Variants in SH3BP2 observed in about 807,000 individuals in gnomAD.
SH3BP2 encodes the protein SH3 domain-binding protein 2.
In SH3BP2, 38 loss-of-function variants were observed where a neutral mutation model predicts 56.2. That is an observed-to-expected ratio of 0.68 (90% CI 0.52 to 0.89). The LOEUF is 0.89. SH3BP2 is among the 40% of genes least tolerant of loss of function. The pLI is 0.00. For synonymous variants in SH3BP2, 346 were observed against 316.7 expected, an observed-to-expected ratio of 1.09 and a Z score of -0.98; for missense variants, 748 against 762.6, an observed-to-expected ratio of 0.98 and a Z score of 0.23.
chr4:2,798,303 C>T (rs2108695761), intron 1 of SH3BP2, among the ~76,000 whole-genome samples: 1 of 152,360 alleles, frequency 6.6e-6, no homozygotes, highest in South Asian at 2.1e-4. Context: ...TTAGCCTGGC[C>T]TACCTGTGCC....
intron 8 of SH3BP2, among the ~76,000 whole-genome samples, chr4:2,830,805 G>A (rs1364870793): frequency 1.3e-5 from 2 of 152,256 alleles, no homozygotes; most frequent in South Asian, 2.1e-4. Flanking sequence ...AAAGGGTCCA[G>A]GAACTGGAGG....
At chr4:2,795,462 C>T (rs1723028547) in intron 1 of SH3BP2, among the ~76,000 whole-genome samples, 2 of 152,242 alleles carry the variant, frequency 1.3e-5, no homozygotes, top group South Asian at 2.1e-4. Flanking sequence ...GGATTACAGG[C>T]GTGAGCCCCC....
intron 1 of SH3BP2, among the ~76,000 whole-genome samples, chr4:2,802,422 GTGTGTGTGTGTGTGTGTGTGTA>G (rs1723323952): frequency 6.7e-6 from 1 of 150,352 alleles, no homozygotes; most frequent in African/African-American, 2.5e-5. Context: ...GTGTGTGTGT[GTGTGTGTGTGTGTGTGTGTGTA>G]TGTATATATG....
At chr4:2,794,833 A>AC (rs904864814) in intron 1 of SH3BP2, among the ~76,000 whole-genome samples, 8 of 152,004 alleles carry the variant, frequency 5.3e-5, no homozygotes, top group Non-Finnish European at 1.2e-4. Flanking sequence ...GGAGCTCCCC[A>AC]CCCCCCAGGG....
chr4:2,800,781 C>T (rs1238276666), intron 1 of SH3BP2, among the ~76,000 whole-genome samples: 1 of 152,164 alleles, frequency 6.6e-6, no homozygotes, highest in African/African-American at 2.4e-5. Context: ...GCAGTAAGGG[C>T]ATTGGGGGTG....
chr4:2,823,767 A>G (rs1473429462), intron 3 of SH3BP2, among the ~76,000 whole-genome samples: 3 of 152,252 alleles, frequency 2.0e-5, no homozygotes, highest in Non-Finnish European at 4.4e-5. Context: ...CCTATGAGGA[A>G]CCAAGGGTCA....
intron 1 of SH3BP2, among the ~76,000 whole-genome samples, chr4:2,809,426 A>T (rs188258363): frequency 1.3e-5 from 2 of 148,502 alleles, no homozygotes; most frequent in Non-Finnish European, 3.0e-5. Context: ...TCTCCCCTGG[A>T]CTCAGTGCCC....
At chr4:2,809,780 C>A in intron 1 of SH3BP2, 1 of 985,770 alleles carries the variant, frequency 1.0e-6, no homozygotes, top group Non-Finnish European at 1.2e-6. Context: ...CTTTTTCAGG[C>A]TGACCCTTGG....
intron 1 of SH3BP2, among the ~76,000 whole-genome samples, chr4:2,793,394 G>A (rs1197131178): frequency 2.2e-4 from 33 of 150,258 alleles, no homozygotes; most frequent in Admixed American, 2.2e-3. Flanking sequence ...GTATGGGCGG[G>A]TGTCGGGGGT....
At chr4:2,826,892 CCT>C (rs772313240) in intron 5 of SH3BP2, 2 of 522,818 alleles carry the variant, frequency 3.8e-6, no homozygotes, top group Non-Finnish European at 7.4e-6. Context: ...TGCGCGTGTC[CCT>C]GTGTCTTTGT....
intron 1 of SH3BP2, chr4:2,798,896 G>A (rs1723148518): frequency 2.4e-6 from 2 of 839,074 alleles, no homozygotes; most frequent in African/African-American, 1.8e-5. Context: ...GCAGGGCAGG[G>A]ACAGGAAGTG....
Position 2,830,058 on chromosome 4 carries a change from G to C in SH3BP2, c.1152G>C (p.Arg384=). The change falls in exon 8 of 13, where the codon CGG becomes CGC. Residue 384 remains arginine (R), a synonymous_variant. Transcript: ENST00000503393. ...PGLFVPPVAP[R]PPALKLPVPE... is the part of the protein sequence containing the mutation. ...TCTTTGTGCCCCCCGTGGCTCCCCG[G>C]CCTCCTGCGCTGAAGCTGCCAGTGC... The C allele has an allele frequency of 6.2e-7, 1 of 1,611,634 alleles. No homozygotes were observed. Among genetic ancestry groups the C allele is most frequent in the East Asian group, 2.2e-5 (1 of 44,876 alleles).
intron 1 of SH3BP2, among the ~76,000 whole-genome samples, chr4:2,798,019 C>T (rs577918323): frequency 2.6e-5 from 4 of 152,190 alleles, no homozygotes; most frequent in Non-Finnish European, 5.9e-5. Context: ...GTGCTTTGGT[C>T]TCCCACGAAA....
rs1292296945 is a variant in SH3BP2, at chr4:2,836,423, G to T, written c.*2589G>T. On this transcript the variant is annotated 3_prime_UTR_variant, in exon 13 of 13. Transcript: ENST00000503393. Reference sequence around the variant, plus strand: ...ACATCTGTGAGGTGCCGAGCTGGGTGCTTGACATCATTTGCTTGGAGAAGC... The same window carrying T: ...ACATCTGTGAGGTGCCGAGCTGGGTTCTTGACATCATTTGCTTGGAGAAGC... The T allele has an allele frequency of 6.6e-6, 1 of 152,244 alleles. No homozygotes were observed. The highest frequency in any genetic ancestry group is 1.5e-5 in the Non-Finnish European group (1 of 68,064). 9.4% of individuals were successfully genotyped at this position (152,244 alleles called of 1,614,324 possible).
intron 1 of SH3BP2, among the ~76,000 whole-genome samples, chr4:2,802,082 T>C (rs1231413267): frequency 6.6e-6 from 1 of 150,894 alleles, no homozygotes; most frequent in Admixed American, 6.6e-5. Context: ...CACTCCAGCC[T>C]GGGTGACAGA....
chr4:2,807,174 G>T (rs1461876031), intron 1 of SH3BP2, among the ~76,000 whole-genome samples: 1 of 152,166 alleles, frequency 6.6e-6, no homozygotes, highest in African/African-American at 2.4e-5. Context: ...GCTGGCCGGC[G>T]GCTTGTCTCA....
intron 12 of SH3BP2, 31 bp from the exon 13 acceptor site, chr4:2,833,666 T>C: frequency 6.2e-7 from 1 of 1,601,500 alleles, no homozygotes; most frequent in Non-Finnish European, 8.5e-7. Flanking sequence ...GGCCTGGCCC[T>C]GCTGACGCTC....
intron 11 of SH3BP2, among the ~76,000 whole-genome samples, chr4:2,832,762 C>A (rs1203213775): frequency 6.6e-6 from 1 of 152,144 alleles, no homozygotes; most frequent in Non-Finnish European, 1.5e-5. Flanking sequence ...CCGGGTGTGT[C>A]GGAGTGGTTA....
chr4:2,795,825 G>A (rs139218962), intron 1 of SH3BP2, among the ~76,000 whole-genome samples: 340 of 152,282 alleles, frequency 2.2e-3, no homozygotes, highest in African/African-American at 7.8e-3. Context: ...AGAAGGGGCC[G>A]TGCAGACCCT....
Sources: allele counts gnomAD v4.1 joint callset (sites outside exome capture counted in the v4.1 genomes callset), GRCh38; gene constraint gnomAD v4.1.1; transcripts MANE v1.5; gene names NCBI Gene and HGNC (gene_info 2026-07-23, HGNC 2026-07-21).